Variants in BBS9 observed in about 807,000 individuals in gnomAD.
BBS9 encodes the protein Bardet-Biedl syndrome 9, also known as protein PTHB1.
A neutral mutation model predicts 117.7 loss-of-function variants in BBS9; 89 were observed. The observed-to-expected ratio is 0.76, with a 90% CI of 0.64 to 0.90. BBS9 has a LOEUF of 0.90. Among genes scored for constraint, BBS9 ranks in the 40% least tolerant of loss-of-function variants. The pLI is 0.00. For synonymous variants in BBS9, 379 were observed against 370.9 expected (o/e 1.02, Z -0.25); for missense variants, 982 against 1,042.2 (o/e 0.94, Z 0.80).
chr7:33,618,472 T>G (rs1865251808), intron 21 of BBS9, among the ~76,000 whole-genome samples: 1 of 152,152 alleles, frequency 6.6e-6, no homozygotes, highest in Non-Finnish European at 1.5e-5. Flanking sequence ...CATAAATCAC[T>G]TTGACCTCTA....
intron 4 of BBS9, among the ~76,000 whole-genome samples, chr7:33,167,400 A>G (rs1795862521): frequency 6.8e-6 from 1 of 147,720 alleles, no homozygotes; most frequent in Non-Finnish European, 1.5e-5. Context: ...AGTTCTGAGA[A>G]TTCTTTTTTT....
intron 5 of BBS9, among the ~76,000 whole-genome samples, chr7:33,237,256 C>G (rs1432829155): frequency 6.6e-6 from 1 of 152,150 alleles, no homozygotes; most frequent in African/African-American, 2.4e-5. Flanking sequence ...TGAGGTCACT[C>G]TGTATATTAG....
At chr7:33,624,964 T>C (rs1235855321) in intron 21 of BBS9, among the ~76,000 whole-genome samples, 1 of 152,164 alleles carries the variant, frequency 6.6e-6, no homozygotes, top group African/African-American at 2.4e-5. Flanking sequence ...TGTACGGCCA[T>C]AATTGTAGTC....
At chr7:33,455,677 C>G (rs543804589) in intron 19 of BBS9, among the ~76,000 whole-genome samples, 1 of 152,172 alleles carries the variant, frequency 6.6e-6, no homozygotes, top group African/African-American at 2.4e-5. Flanking sequence ...TGAAAACACC[C>G]CCATGTGGTG....
At chr7:33,506,909 G>A (rs773198182) in intron 20 of BBS9, among the ~76,000 whole-genome samples, 3 of 152,220 alleles carry the variant, frequency 2.0e-5, no homozygotes, top group Admixed American at 6.5e-5. Flanking sequence ...ATAAATAATG[G>A]TTAGGATTAT....
intron 17 of BBS9, among the ~76,000 whole-genome samples, chr7:33,378,102 G>A (rs556167076): frequency 2.6e-5 from 4 of 152,194 alleles, no homozygotes; most frequent in East Asian, 1.9e-4. Context: ...ATCCACTGAC[G>A]TCACCTTCTC....
chr7:33,154,834 A>C (rs972611682), intron 3 of BBS9, among the ~76,000 whole-genome samples: 1 of 152,222 alleles, frequency 6.6e-6, no homozygotes, highest in Non-Finnish European at 1.5e-5. Flanking sequence ...GAGATTTCAC[A>C]TAAAACCCAA....
chr7:33,447,176 A>G (rs2128908849), intron 19 of BBS9, among the ~76,000 whole-genome samples: 1 of 152,322 alleles, frequency 6.6e-6, no homozygotes, highest in Middle Eastern at 3.4e-3. Context: ...GAAGAAACAA[A>G]CCAGAATATA....
At chr7:33,257,920 T>G (rs1188333788) in intron 6 of BBS9, among the ~76,000 whole-genome samples, 1 of 152,220 alleles carries the variant, frequency 6.6e-6, no homozygotes, top group Non-Finnish European at 1.5e-5. Context: ...TGTCAATACT[T>G]TTTTAGAAGA....
At position 33,516,375 on chromosome 7, in the gene BBS9, G is replaced by C. The variant is rs184721502; in HGVS notation, c.2298+10730G>C. On this transcript the variant is annotated intron_variant, in intron 20 of 22. Transcript: ENST00000242067. ...GCGGTGGCAGGCACCTGTAATCCCA[G>C]CTACTTGGGAGGCTGAGGCAGGAGA... 3.3e-3 allele frequency among the ~76,000 whole-genome samples: 502 copies of C among 151,002 alleles called. 4 individuals are homozygous for C. Among genetic ancestry groups the C allele is most frequent in the African/African-American group, 0.012 (478 of 41,160 alleles).
Position 33,314,374 on chromosome 7 carries a change from T to A in BBS9, c.1017-22067T>A. The A allele has an allele frequency of 8.1e-6, 3 of 368,884 alleles. 1 individual carries two copies. Among genetic ancestry groups the A allele is most frequent in the South Asian group, 6.6e-5 (3 of 45,530 alleles). The allele number at this position is 368,884 out of a possible 1,614,324, so 22.9% of individuals were successfully genotyped here. A position where few individuals can be genotyped will look rare whatever the true frequency, so the allele number is the denominator to read the frequency against. On this transcript the variant is annotated intron_variant, in intron 9 of 22. Transcript: ENST00000242067. ...ACTTGCCTTCTTGGCATTTATACAT[T>A]CAAAGCTCAGTGCTAGATTAGAGCT...
intron 9 of BBS9, among the ~76,000 whole-genome samples, chr7:33,331,127 A>G (rs1392703475): frequency 2.0e-5 from 3 of 152,238 alleles, no homozygotes; most frequent in Admixed American, 2.0e-4. Context: ...ATATAAGTCA[A>G]CAAATGTGAT....
At chr7:33,265,219 A>G (rs71532569) in intron 7 of BBS9, among the ~76,000 whole-genome samples, 1 of 152,224 alleles carries the variant, frequency 6.6e-6, no homozygotes, top group Admixed American at 6.5e-5. Context: ...TACTAACATA[A>G]CAGTATTGGA....
intron 21 of BBS9, among the ~76,000 whole-genome samples, chr7:33,545,720 C>T (rs1026407963): frequency 2.6e-5 from 4 of 151,818 alleles, no homozygotes; most frequent in Non-Finnish European, 5.9e-5. Context: ...TCCCCTGAAT[C>T]GAAAATTTAA....
chr7:33,380,127 G>C (rs1297957714), intron 17 of BBS9: 1 of 158,974 alleles, frequency 6.3e-6, no homozygotes, highest in Non-Finnish European at 1.4e-5. Context: ...AGATGGTGTG[G>C]GAAGCCAGCA....
At chr7:33,528,794 G>A (rs1230548784) in intron 20 of BBS9, among the ~76,000 whole-genome samples, 1 of 152,166 alleles carries the variant, frequency 6.6e-6, no homozygotes, top group Non-Finnish European at 1.5e-5. Flanking sequence ...CAGGAGCCTC[G>A]GGACAGCTAT....
intron 5 of BBS9, among the ~76,000 whole-genome samples, chr7:33,225,809 G>A (rs370740561): frequency 1.5e-4 from 22 of 151,482 alleles, no homozygotes; most frequent in African/African-American, 4.9e-4. Context: ...GGTGGATAGA[G>A]TTAGGAAATA....
At chr7:33,414,558 A>T (rs905061790) in intron 19 of BBS9, among the ~76,000 whole-genome samples, 1 of 152,176 alleles carries the variant, frequency 6.6e-6, no homozygotes, top group African/African-American at 2.4e-5. Flanking sequence ...ATCATCATAT[A>T]AAAATCTGTT....
chr7:33,462,002 G>A (rs1019560455), intron 19 of BBS9, among the ~76,000 whole-genome samples: 18 of 151,952 alleles, frequency 1.2e-4, no homozygotes, highest in African/African-American at 2.7e-4. Flanking sequence ...ATCTAAGGTC[G>A]TTTTAATTTC....
Sources: gnomAD v4.1 joint callset for allele counts (sites outside exome capture counted in the v4.1 genomes callset) on GRCh38, gnomAD v4.1.1 for gene constraint, MANE v1.5 for transcripts, NCBI Gene and HGNC (gene_info 2026-07-23, HGNC 2026-07-21) for gene names.